OBP2B: variants seen among roughly 807,000 people sequenced by gnomAD.
OBP2B encodes odorant binding protein 2B.
In OBP2B, 10 loss-of-function variants were observed where a neutral mutation model predicts 21.7. The ratio of observed to expected loss-of-function variants is 0.46; its 90% CI spans 0.28 to 0.78. The LOEUF (loss-of-function observed/expected upper bound fraction) is 0.78, where lower values mean the gene tolerates loss of function less well. Ranked by LOEUF, OBP2B falls within the 30% of genes least tolerant of loss-of-function variation. The probability of loss-of-function intolerance (pLI) is 0.11; values close to 1 mark genes in which losing one functional copy is unlikely to be tolerated. For synonymous variants in OBP2B, 73 were observed against 91.5 expected, an observed-to-expected ratio of 0.80 and a Z score of 1.16; for missense variants, 153 against 217.7, an observed-to-expected ratio of 0.70 and a Z score of 1.87.
the OBP2B span, among the ~76,000 whole-genome samples, chr9:133,220,047 T>A: frequency 7.2e-5 from 11 of 152,194 alleles, no homozygotes; most frequent in Non-Finnish European, 4.4e-5. Context: ...TCCATTTCTA[T>A]GAAGTGTCCA....
intron 3 of OBP2B, among the ~76,000 whole-genome samples, 160 bp from the exon 4 acceptor site, chr9:133,207,496 C>T (rs1384195326): frequency 6.6e-6 from 1 of 152,176 alleles, no homozygotes; most frequent in Non-Finnish European, 1.5e-5. Flanking sequence ...AGGCAGGAGC[C>T]TCCTCTCAGG....
chr9:133,212,407 G>A (rs1410811020), upstream of OBP2B, among the ~76,000 whole-genome samples: 2 of 152,106 alleles, frequency 1.3e-5, no homozygotes, highest in Non-Finnish European at 1.5e-5. Context: ...TATATACCAA[G>A]ATAGACCATA....
chr9:133,205,693 A>G, intron 6 of OBP2B: 1 of 550,762 alleles, frequency 1.8e-6, no homozygotes, highest in Non-Finnish European at 3.2e-6. Context: ...AAGGCCGAGG[A>G]GGACCCTCAC....
the OBP2B span, among the ~76,000 whole-genome samples, chr9:133,222,857 G>A: frequency 1.3e-5 from 2 of 151,668 alleles, no homozygotes; most frequent in Non-Finnish European, 2.9e-5. Context: ...CTGCCACACA[G>A]CTGGTCCCAC....
At chr9:133,211,569 C>A (rs1397164066), upstream of OBP2B, among the ~76,000 whole-genome samples, 1 of 152,218 alleles carries the variant, frequency 6.6e-6, no homozygotes, top group Non-Finnish European at 1.5e-5. Flanking sequence ...CATCCTCAGT[C>A]TGTAGGGATA....
upstream of OBP2B, among the ~76,000 whole-genome samples, chr9:133,209,708 C>A (rs184691859): frequency 6.6e-6 from 1 of 152,162 alleles, no homozygotes; most frequent in East Asian, 1.9e-4. The surrounding 1 kb of genome is among the most constrained non-coding windows in gnomAD (Gnocchi z 6.0). Context: ...GAGTCCCGCA[C>A]GCCCTAGAGC....
At chr9:133,220,171 C>A in the OBP2B span, among the ~76,000 whole-genome samples, 2,136 of 152,220 alleles carry the variant, frequency 0.014, 45 homozygotes, top group African/African-American at 0.048. Context: ...TGAAGATCTC[C>A]TGGAATTAGA....
At chr9:133,221,977 C>T in the OBP2B span, among the ~76,000 whole-genome samples, 3 of 152,198 alleles carry the variant, frequency 2.0e-5, no homozygotes, top group African/African-American at 7.2e-5. Flanking sequence ...GCAGAATCAT[C>T]CCCTCCTCCT....
chr9:133,222,339 C>T, the OBP2B span, among the ~76,000 whole-genome samples: 4 of 152,244 alleles, frequency 2.6e-5, no homozygotes, highest in South Asian at 2.1e-4. Context: ...CAGCACCCAG[C>T]TGCCCCTTCT....
the OBP2B span, among the ~76,000 whole-genome samples, chr9:133,218,392 A>T: frequency 1.3e-5 from 2 of 152,250 alleles, no homozygotes; most frequent in Admixed American, 6.5e-5. Context: ...GAGAGCTCTG[A>T]CAAAGGCAAG....
chr9:133,215,408 G>C, the OBP2B span, among the ~76,000 whole-genome samples: 2 of 152,090 alleles, frequency 1.3e-5, no homozygotes, highest in Non-Finnish European at 2.9e-5. Context: ...TGTAGACATA[G>C]ACAAGATTAT....
intron 3 of OBP2B, chr9:133,207,734 A>G: frequency 1.4e-6 from 1 of 717,790 alleles, no homozygotes; most frequent in Non-Finnish European, 2.2e-6. Context: ...CCCGATCCCT[A>G]ACCCTTGGCC....
intron 5 of OBP2B, 92 bp downstream of exon 5, chr9:133,206,223 G>A (rs1564284606): frequency 1.4e-6 from 2 of 1,395,666 alleles, no homozygotes; most frequent in African/African-American, 1.4e-5. Context: ...GGGAATGCGG[G>A]GGACATGGGA....
the OBP2B span, among the ~76,000 whole-genome samples, chr9:133,217,261 G>A: frequency 1.3e-5 from 2 of 152,162 alleles, no homozygotes; most frequent in African/African-American, 2.4e-5. Flanking sequence ...AGGTGCAGGG[G>A]ACTTAAAATG....
At chr9:133,206,526 G>A in intron 4 of OBP2B, 110 bp from the exon 5 acceptor site, 4 of 1,409,552 alleles carry the variant, frequency 2.8e-6, no homozygotes, top group Non-Finnish European at 2.9e-6. Flanking sequence ...AGGGGGAGAG[G>A]CCTGAGAGTG....
At chr9:133,218,498 G>A in the OBP2B span, among the ~76,000 whole-genome samples, 8 of 152,322 alleles carry the variant, frequency 5.3e-5, no homozygotes, top group Non-Finnish European at 1.0e-4. Context: ...TAGAAAAGAC[G>A]CGGCAATAAC....
intron 4 of OBP2B, 190 bp from the exon 5 acceptor site, chr9:133,206,606 G>C (rs1833723442): frequency 1.4e-6 from 1 of 690,310 alleles, no homozygotes; most frequent in South Asian, 1.9e-5. Context: ...CAAGGGGAGA[G>C]ACCCAAGAGT....
chr9:133,206,951 G>A (rs1162908934), intron 4 of OBP2B, among the ~76,000 whole-genome samples: 1 of 152,028 alleles, frequency 6.6e-6, no homozygotes, highest in Non-Finnish European at 1.5e-5. Context: ...GGACGCTTAA[G>A]GTGACCCTCC....
chr9:133,220,466 A>G, the OBP2B span, among the ~76,000 whole-genome samples: 1 of 152,060 alleles, frequency 6.6e-6, no homozygotes, highest in Non-Finnish European at 1.5e-5. Flanking sequence ...AGACTGAATA[A>G]TGGTCCCCTG....
Sources: allele counts gnomAD v4.1 joint callset (sites outside exome capture counted in the v4.1 genomes callset), GRCh38; gene constraint gnomAD v4.1.1; non-coding constraint Gnocchi (gnomAD v3.1); transcripts MANE v1.5; gene names NCBI Gene and HGNC (gene_info 2026-07-23, HGNC 2026-07-21).